Variants in TRAPPC9 observed in about 807,000 individuals in gnomAD.
TRAPPC9 encodes the protein IKK2 binding protein.
TRAPPC9 carries 83 observed loss-of-function variants against 124.0 expected under a neutral mutation model. That is an observed-to-expected ratio of 0.67 (90% CI 0.56 to 0.80). The LOEUF is 0.80. TRAPPC9 is among the 30% of genes least tolerant of loss of function. The pLI, the probability that TRAPPC9 is intolerant of heterozygous loss-of-function variation, is 0.00. For missense variants in TRAPPC9, 1,302 were observed against 1,508.3 expected, an observed-to-expected ratio of 0.86 and a Z score of 2.27; for synonymous variants, 638 against 617.5, an observed-to-expected ratio of 1.03 and a Z score of -0.49.
At chr8:139,965,897 C>T (rs778161545) in intron 19 of TRAPPC9, among the ~76,000 whole-genome samples, 7 of 142,898 alleles carry the variant, frequency 4.9e-5, no homozygotes, top group Non-Finnish European at 1.1e-4. Flanking sequence ...GAGGGAAGCA[C>T]AGCAGACTGA....
At position 140,350,305 on chromosome 8, in the gene TRAPPC9, A is replaced by G. The variant is rs112020741; in HGVS notation, c.1495+9745T>C. On this transcript the variant is annotated intron_variant, in intron 9 of 22. Coordinates refer to ENST00000438773, the MANE Select transcript of TRAPPC9 (RefSeq NM_001160372.4). ...CACCCTCCATCAAGGTGACTTTGAT[A>G]GAGACAAGCAGCCCATGACAAGATG... is the stretch of plus-strand genomic sequence containing the variant. 7.7e-3 allele frequency among the ~76,000 whole-genome samples: 1,175 copies of G among 152,320 alleles called. 14 individuals are homozygous for G. The highest frequency in any genetic ancestry group is 0.027 in the African/African-American group (1,104 of 41,558).
At chr8:140,407,020 T>C (rs1360491226) in intron 5 of TRAPPC9, among the ~76,000 whole-genome samples, 1 of 152,194 alleles carries the variant, frequency 6.6e-6, no homozygotes, top group African/African-American at 2.4e-5. Context: ...CACAGGTTGT[T>C]ATAATGCCAT....
intron 17 of TRAPPC9, among the ~76,000 whole-genome samples, chr8:140,119,149 C>T (rs1171517359): frequency 6.6e-6 from 1 of 152,212 alleles, no homozygotes; most frequent in Non-Finnish European, 1.5e-5. Flanking sequence ...CCGGAGTGCA[C>T]AGCAGGAGAA....
chr8:139,748,533 G>T (rs900470958), intron 21 of TRAPPC9, among the ~76,000 whole-genome samples: 1 of 150,990 alleles, frequency 6.6e-6, no homozygotes, highest in South Asian at 2.1e-4. Flanking sequence ...GTGAGGGTGT[G>T]CAGGGGTCAG....
At chr8:140,411,985 G>C (rs1387223961) in intron 5 of TRAPPC9, among the ~76,000 whole-genome samples, 1 of 152,236 alleles carries the variant, frequency 6.6e-6, no homozygotes, top group Non-Finnish European at 1.5e-5. Flanking sequence ...ACTCTTCACT[G>C]AATCAGCCAG....
intron 15 of TRAPPC9, among the ~76,000 whole-genome samples, chr8:140,265,542 C>T (rs900209698): frequency 1.1e-4 from 17 of 152,274 alleles, no homozygotes; most frequent in African/African-American, 4.1e-4. Context: ...CCTGTTTTCC[C>T]CATCCTTCCT....
At chr8:139,949,741 T>G (rs1834516345) in intron 19 of TRAPPC9, among the ~76,000 whole-genome samples, 12 of 142,680 alleles carry the variant, frequency 8.4e-5, no homozygotes, top group African/African-American at 2.1e-4. Flanking sequence ...GGGCTGGGGG[T>G]GGGGGAAGTG....
intron 14 of TRAPPC9, among the ~76,000 whole-genome samples, chr8:140,278,921 T>G (rs535405669): frequency 6.6e-6 from 1 of 152,376 alleles, no homozygotes; most frequent in South Asian, 2.1e-4. Context: ...CAAAGTGACC[T>G]GCCTTCTGTC....
chr8:140,446,062 G>A (rs2071242978), intron 2 of TRAPPC9, among the ~76,000 whole-genome samples: 1 of 152,192 alleles, frequency 6.6e-6, no homozygotes. Context: ...GGAGGCCAAG[G>A]CAGGTGGATC....
chr8:140,123,586 G>T (rs1261999555), intron 17 of TRAPPC9, among the ~76,000 whole-genome samples: 1 of 152,148 alleles, frequency 6.6e-6, no homozygotes, highest in Non-Finnish European at 1.5e-5. Context: ...GCACAGCTGG[G>T]TTCTTCTCAC....
At chr8:139,988,703 G>A (rs542571637) in intron 19 of TRAPPC9, 23 bp downstream of exon 19, 58 of 1,504,630 alleles carry the variant, frequency 3.9e-5, no homozygotes, top group Admixed American at 7.9e-5. Context: ...CTGCGGCGGC[G>A]CGAGGGTCTA....
At chr8:140,372,814 T>A (rs1158514766) in intron 7 of TRAPPC9, among the ~76,000 whole-genome samples, 1 of 152,214 alleles carries the variant, frequency 6.6e-6, no homozygotes, top group Admixed American at 6.5e-5. Flanking sequence ...GATCATGGAC[T>A]TCTAGCCTCT....
At chr8:139,792,270 G>A (rs1039740923) in intron 21 of TRAPPC9, among the ~76,000 whole-genome samples, 7 of 152,154 alleles carry the variant, frequency 4.6e-5, no homozygotes, top group African/African-American at 1.7e-4. Context: ...TCCATCTCAG[G>A]AGAGCTTCTG....
intron 16 of TRAPPC9, among the ~76,000 whole-genome samples, chr8:140,231,484 T>C (rs2063592930): frequency 1.5e-5 from 1 of 66,986 alleles, no homozygotes; most frequent in Non-Finnish European, 3.9e-5. Context: ...GCCTTTTCTT[T>C]TTTTTTTTTT....
chr8:140,377,642 C>T (rs1381824161), intron 7 of TRAPPC9, among the ~76,000 whole-genome samples: 1 of 152,124 alleles, frequency 6.6e-6, no homozygotes, highest in Non-Finnish European at 1.5e-5. Flanking sequence ...CTAGTCCCTC[C>T]AATGACAACT....
At chr8:139,800,403 G>A (rs1337589613) in intron 21 of TRAPPC9, among the ~76,000 whole-genome samples, 2 of 152,240 alleles carry the variant, frequency 1.3e-5, no homozygotes, top group Admixed American at 6.5e-5. Context: ...GAGGACACAC[G>A]TGTCCACACT....
chr8:139,835,779 A>C (rs562327865), intron 21 of TRAPPC9, among the ~76,000 whole-genome samples: 40 of 152,258 alleles, frequency 2.6e-4, no homozygotes, highest in Non-Finnish European at 4.4e-4. Context: ...AAACAAAAAA[A>C]AAAAAAGCTT....
intron 21 of TRAPPC9, among the ~76,000 whole-genome samples, chr8:139,856,144 G>A (rs1173928893): frequency 6.6e-6 from 1 of 152,186 alleles, no homozygotes; most frequent in Non-Finnish European, 1.5e-5. Context: ...AGTGCACTGA[G>A]TTTCTTTCCC....
In TRAPPC9 at chr8:139,825,396, C is replaced by A. The variant is rs1223429179; in HGVS notation, c.3055+60483G>T. ...GGATGAAGGCCTGTCCATCCCATGGCTGTGCAGGATAAGGAATGACGGGCT... is the reference window on the plus strand; with the variant it reads ...GGATGAAGGCCTGTCCATCCCATGGATGTGCAGGATAAGGAATGACGGGCT... On this transcript the variant is annotated intron_variant, in intron 21 of 22. Coordinates refer to ENST00000438773, the MANE Select transcript of TRAPPC9 (RefSeq NM_001160372.4). The surrounding 1 kb of genome is among the most constrained non-coding windows in gnomAD (Gnocchi z 4.6). 1.3e-5 allele frequency among the ~76,000 whole-genome samples: 2 copies of A among 152,208 alleles called. No individual in the cohort carries two copies. The highest frequency in any genetic ancestry group is 4.8e-5 in the African/African-American group (2 of 41,464).
Sources: allele counts gnomAD v4.1 joint callset (sites outside exome capture counted in the v4.1 genomes callset), GRCh38; gene constraint gnomAD v4.1.1; non-coding constraint Gnocchi (gnomAD v3.1); transcripts MANE v1.5; gene names NCBI Gene and HGNC (gene_info 2026-07-23, HGNC 2026-07-21).